SLC17A4: variants seen among roughly 807,000 people sequenced by gnomAD.
SLC17A4 encodes the protein probable small intestine urate exporter.
SLC17A4 carries 33 observed loss-of-function variants against 52.5 expected under a neutral mutation model. The ratio of observed to expected loss-of-function variants is 0.63; its 90% CI spans 0.48 to 0.84. The LOEUF (loss-of-function observed/expected upper bound fraction) is 0.84. SLC17A4 is among the 40% of genes least tolerant of loss of function. The pLI, the probability that SLC17A4 is intolerant of heterozygous loss-of-function variation, is 0.00. For synonymous variants in SLC17A4, 225 were observed against 216.2 expected (o/e 1.04, Z -0.36); for missense variants, 585 against 597.1 (o/e 0.98, Z 0.21).
intron 11 of SLC17A4, 85 bp downstream of exon 11, chr6:25,778,101 G>T (rs942586712): frequency 7.5e-5 from 73 of 968,500 alleles, no homozygotes; most frequent in South Asian, 3.2e-4. Context: ...TTGTATCCTA[G>T]AAGATGCTTT....
rs7749149 is a variant in SLC17A4, at chr6:25,780,911, G to C, written c.*1723G>C. ...GTTTTGGTTTGCTATTATATTAATGGGGATGCCTCTAACACAGACAGCAAC... is the reference window on the plus strand; with the variant it reads ...GTTTTGGTTTGCTATTATATTAATGCGGATGCCTCTAACACAGACAGCAAC... On this transcript the variant is annotated 3_prime_UTR_variant, in exon 12 of 12. Coordinates refer to ENST00000377905, the MANE Select transcript of SLC17A4 (RefSeq NM_005495.3). The C allele has an allele frequency of 6.6e-6, 1 of 151,878 alleles. No homozygotes were observed. The highest frequency in any genetic ancestry group is 1.5e-5 in the Non-Finnish European group (1 of 67,992). The allele number at this position is 151,878 out of a possible 1,614,324, so 9.4% of individuals were successfully genotyped here.
intron 2 of SLC17A4, among the ~76,000 whole-genome samples, chr6:25,764,595 C>A (rs1460376825): frequency 6.6e-6 from 1 of 152,210 alleles, no homozygotes; most frequent in South Asian, 2.1e-4. Flanking sequence ...AAACTCCCAT[C>A]CTTGAGGCAG....
intron 8 of SLC17A4, among the ~76,000 whole-genome samples, chr6:25,774,869 C>A (rs1314936553): frequency 6.6e-6 from 1 of 152,216 alleles, no homozygotes; most frequent in East Asian, 1.9e-4. Context: ...CCTCGGCTTA[C>A]GCATCTGTAA....
chr6:25,758,774 G>T (rs140803844), intron 1 of SLC17A4, among the ~76,000 whole-genome samples: 2,259 of 145,504 alleles, frequency 0.016, 40 homozygotes, highest in Non-Finnish European at 0.019. Flanking sequence ...TGTATTTTTT[G>T]TTTGTTTGTT....
intron 10 of SLC17A4, chr6:25,777,648 C>T (rs1478771799): frequency 3.2e-6 from 1 of 310,660 alleles, no homozygotes; most frequent in African/African-American, 2.1e-5. Context: ...ATCTGACCAT[C>T]TTGCATAAAC....
rs1214116023 is a variant in SLC17A4, at chr6:25,761,988, C to T, written c.26C>T (p.Ala9Val). The T allele has an allele frequency of 1.2e-6, 2 of 1,613,154 alleles. No homozygotes were observed. The highest frequency in any genetic ancestry group is 1.7e-6 in the Non-Finnish European group (2 of 1,179,764). MSTGPDVK[A>V]TVGDISSDGN... is the part of the protein sequence containing the mutation. ...ATGTCTACCGGACCAGATGTCAAGG[C>T]TACAGTGGGGGACATTTCCAGTGAT... The change falls in exon 2 of 12, where the codon GCT (alanine) becomes GTT (valine). Residue 9 changes from alanine (A) to valine (V), a missense_variant. Ala to Val is a moderately conservative substitution (Grantham distance 64, BLOSUM62 0). Coordinates refer to ENST00000377905, the MANE Select transcript of SLC17A4 (RefSeq NM_005495.3).
intron 2 of SLC17A4, 48 bp from the exon 3 acceptor site, chr6:25,768,937 G>C: frequency 6.5e-7 from 1 of 1,536,998 alleles, no homozygotes; most frequent in Non-Finnish European, 9.0e-7. Context: ...TAGGGAGAGT[G>C]GGAGAAAAGC....
chr6:25,762,116 G>T, intron 2 of SLC17A4, 63 bp downstream of exon 2: 1 of 1,431,484 alleles, frequency 7.0e-7, no homozygotes, highest in South Asian at 1.3e-5. Context: ...TGTAACTTGT[G>T]GTACTAAATA....
In SLC17A4 at chr6:25,779,400, TTTCTGTG is replaced by T. The variant is rs1763195396; in HGVS notation, c.*217_*223del. The T allele has an allele frequency of 9.3e-6, 5 of 537,448 alleles. No homozygotes were observed. Among genetic ancestry groups the T allele is most frequent in the Non-Finnish European group, 1.6e-5 (5 of 319,560 alleles). The allele number at this position is 537,448 out of a possible 1,614,324, so 33.3% of individuals were successfully genotyped here. On this transcript the variant is annotated 3_prime_UTR_variant, in exon 12 of 12. Transcript: ENST00000377905. ...TACTAAAAGCATAGGTGTGTTGAGA[TTTCTGTG>T]TTCTCCACTCTTCCACTGTTATCCT...
intron 2 of SLC17A4, among the ~76,000 whole-genome samples, chr6:25,765,308 T>C (rs949259687): frequency 6.6e-6 from 1 of 152,244 alleles, no homozygotes; most frequent in South Asian, 2.1e-4. Context: ...TCTTTATGTA[T>C]TAATTCATTG....
intron 6 of SLC17A4, 51 bp downstream of exon 6, chr6:25,771,063 G>A (rs774887458): frequency 4.2e-6 from 6 of 1,418,994 alleles, no homozygotes; most frequent in South Asian, 3.4e-5. Flanking sequence ...CTTCTGTGAT[G>A]CAATTTATCT....
rs558271359 is a variant in SLC17A4 at position 25,779,168 on chromosome 6, C to T, written c.1474C>T (p.Gln492Ter). 4 of 1,613,704 alleles carry T rather than the reference C, an allele frequency of 2.5e-6. No homozygotes were observed. The highest frequency in any genetic ancestry group is 3.4e-6 in the Non-Finnish European group (4 of 1,179,722). ...AGATGTGCAGGACTGGGCTAAAGAG[C>T]AGACATTCACCCACCTCTGAGCAAA... ...RADVQDWAKE[Q>*]TFTHL Residue 492 changes from glutamine to a stop codon, truncating the protein, a stop_gained, in exon 12 of 12, where the codon CAG (glutamine) becomes TAG (stop). Coordinates refer to ENST00000377905, the MANE Select transcript of SLC17A4 (RefSeq NM_005495.3). LOFTEE classifies it high-confidence loss of function.
chr6:25,773,472 G>T (rs1762644870), intron 7 of SLC17A4, 41 bp from the exon 8 acceptor site: 2 of 1,612,912 alleles, frequency 1.2e-6, no homozygotes, highest in East Asian at 4.5e-5. Context: ...AGAGAGAGCT[G>T]CCTTCTGACG....
intron 8 of SLC17A4, among the ~76,000 whole-genome samples, chr6:25,776,335 A>G (rs934826888): frequency 6.7e-6 from 1 of 150,154 alleles, no homozygotes; most frequent in African/African-American, 2.5e-5. Flanking sequence ...CTATTTTTGT[A>G]CTGGGTTTTG....
Position 25,762,051 on chromosome 6 carries a change from A to G in SLC17A4, c.89A>G (p.Lys30Arg). 6.2e-7 allele frequency: 1 copy of G among 1,612,950 alleles called. No individual in the cohort carries two copies. Among genetic ancestry groups the G allele is most frequent in the Non-Finnish European group, 8.5e-7 (1 of 1,179,478 alleles). The part of the protein sequence containing the change: ...LNVAQEECSR[K>R]GFCSVRHGLA... ...GTGGCTCAAGAGGAATGCTCCAGGAAAGGTAAAATCATGCACAGTAATCTG... is the reference window on the plus strand; with the variant it reads ...GTGGCTCAAGAGGAATGCTCCAGGAGAGGTAAAATCATGCACAGTAATCTG... The change falls in exon 2 of 12, where the codon AAA becomes AGA. Residue 30 changes from lysine to arginine, a missense_variant and splice_region_variant. By Grantham distance (26) the Lys-to-Arg change is conservative (BLOSUM62 2). Transcript: ENST00000377905.
At chr6:25,755,956 T>C (rs1043601785) in intron 1 of SLC17A4, among the ~76,000 whole-genome samples, 1 of 152,222 alleles carries the variant, frequency 6.6e-6, no homozygotes, top group South Asian at 2.1e-4. Context: ...TAGCAAGTCT[T>C]AGTGGCATAT....
Position 25,778,910 on chromosome 6 carries a change from A to T in SLC17A4, c.1360-144A>T. Reference sequence around the variant, plus strand: ...TGGACTCATGGCAGAAATGTACTTGAGTATTCTAGGACCAACTGGGAAGCC... The same window carrying T: ...TGGACTCATGGCAGAAATGTACTTGTGTATTCTAGGACCAACTGGGAAGCC... On this transcript the variant is annotated intron_variant, in intron 11 of 11. Coordinates refer to ENST00000377905, the MANE Select transcript of SLC17A4 (RefSeq NM_005495.3). 7 of 972,044 alleles carry T rather than the reference A, an allele frequency of 7.2e-6. No homozygotes were observed. The South Asian group carries it at 1.1e-4, about 15-fold the overall frequency. The allele number at this position is 972,044 out of a possible 1,614,324, so 60.2% of individuals were successfully genotyped here.
chr6:25,761,987 G>A lies in SLC17A4; in HGVS notation c.25G>A (p.Ala9Thr). Reference sequence around the variant, plus strand: ...AATGTCTACCGGACCAGATGTCAAGGCTACAGTGGGGGACATTTCCAGTGA... The same window carrying A: ...AATGTCTACCGGACCAGATGTCAAGACTACAGTGGGGGACATTTCCAGTGA... MSTGPDVKATVGDISSDGN... is the reference protein window; with the variant it reads MSTGPDVKTTVGDISSDGN... The change falls in exon 2 of 12, where the codon GCT becomes ACT. Residue 9 changes from alanine (A) to threonine (T), a missense_variant. Coordinates refer to ENST00000377905, the MANE Select transcript of SLC17A4 (RefSeq NM_005495.3). 1 of 1,613,338 alleles carries A rather than the reference G, an allele frequency of 6.2e-7. No homozygotes were observed. Among genetic ancestry groups the A allele is most frequent in the Non-Finnish European group, 8.5e-7 (1 of 1,179,786 alleles).
intron 5 of SLC17A4, 81 bp downstream of exon 5, chr6:25,770,552 A>G: frequency 1.6e-6 from 2 of 1,249,526 alleles, no homozygotes. Context: ...CCAAGATCTT[A>G]TATATCAATC....
Sources: allele counts gnomAD v4.1 joint callset (sites outside exome capture counted in the v4.1 genomes callset), GRCh38; gene constraint gnomAD v4.1.1; transcripts MANE v1.5; gene names NCBI Gene and HGNC (gene_info 2026-07-23, HGNC 2026-07-21).